NRXN1: variants seen among roughly 807,000 people sequenced by gnomAD.
The protein encoded by NRXN1 is neurexin-1.
A neutral mutation model predicts 150.9 loss-of-function variants in NRXN1; 39 were observed. The observed-to-expected ratio is 0.26, with a 90% confidence interval of 0.20 to 0.34. NRXN1 has a LOEUF of 0.34. Among genes scored for constraint, NRXN1 ranks in the 10% least tolerant of loss-of-function variants. The pLI, the probability that NRXN1 is intolerant of heterozygous loss-of-function variation, is 1.00. For missense variants in NRXN1, 1,815 were observed against 1,949.9 expected (o/e 0.93, Z 1.30); for synonymous variants, 924 against 757.0 (o/e 1.22, Z -3.62).
At chr2:50,922,014 T>A (rs1444336367) in intron 4 of NRXN1, 134 bp from the exon 5 acceptor site, 8 of 462,696 alleles carry the variant, frequency 1.7e-5, no homozygotes, top group Non-Finnish European at 3.1e-5. Context: ...GACATGAAAG[T>A]ATAAACAAGG....
chr2:50,181,200 T>C (rs947046865), intron 18 of NRXN1, among the ~76,000 whole-genome samples: 1 of 151,912 alleles, frequency 6.6e-6, no homozygotes, highest in Non-Finnish European at 1.5e-5. Context: ...GAAAGAGAAG[T>C]CTTAACTATC....
chr2:50,814,262 G>T (rs1294928602), intron 5 of NRXN1, among the ~76,000 whole-genome samples: 1 of 151,990 alleles, frequency 6.6e-6, no homozygotes, highest in African/African-American at 2.4e-5. Flanking sequence ...CTCCCAAAGT[G>T]CTGGGATTAC....
intron 5 of NRXN1, among the ~76,000 whole-genome samples, chr2:50,890,318 T>G (rs1426520515): frequency 6.6e-6 from 1 of 151,832 alleles, no homozygotes; most frequent in Non-Finnish European, 1.5e-5. Flanking sequence ...TCACAAAACT[T>G]AGAGAAGACA....
chr2:50,278,731 A>G (rs2152930335), intron 17 of NRXN1, among the ~76,000 whole-genome samples: 1 of 152,284 alleles, frequency 6.6e-6, no homozygotes, highest in South Asian at 2.1e-4. Flanking sequence ...AAAACGGTCC[A>G]GGATAGGCTG....
chr2:50,735,039 T>A (rs1278146824), intron 5 of NRXN1, among the ~76,000 whole-genome samples: 3 of 152,132 alleles, frequency 2.0e-5, no homozygotes, highest in African/African-American at 4.8e-5. Context: ...CCTTTAACTA[T>A]CTCCACTTGG....
In NRXN1 at chr2:50,947,584, C is replaced by T. The variant is rs1485698586; in HGVS notation, c.773-21629G>A. Among the ~76,000 whole-genome samples the T allele has an allele frequency of 3.3e-5, 5 of 151,836 alleles. No homozygotes were observed. In the East Asian group the frequency reaches 5.8e-4, roughly 18 times the overall value. On this transcript the variant is annotated intron_variant, in intron 2 of 22. Coordinates refer to ENST00000401669, the MANE Select transcript of NRXN1 (RefSeq NM_001330078.2). ...ATACACAGACACTAGATACATAAAA[C>T]TTAATTATAGAGCTTAGATTATATT...
At chr2:50,237,264 A>G (rs1033323488) in intron 17 of NRXN1, among the ~76,000 whole-genome samples, 1 of 152,034 alleles carries the variant, frequency 6.6e-6, no homozygotes, top group African/African-American at 2.4e-5. Flanking sequence ...GTAATGAGGC[A>G]TTATCTCTTC....
intron 19 of NRXN1, among the ~76,000 whole-genome samples, chr2:50,085,696 T>TAA (rs67792512): frequency 6.6e-6 from 1 of 151,460 alleles, no homozygotes. Flanking sequence ...AATTATAAAT[T>TAA]CTATGGTTAT....
chr2:50,083,892 T>G (rs1463819556), intron 19 of NRXN1, among the ~76,000 whole-genome samples: 2 of 151,978 alleles, frequency 1.3e-5, no homozygotes, highest in Non-Finnish European at 2.9e-5. Context: ...TAGGTAGACA[T>G]AAAGGTTCTC....
chr2:49,961,395 G>A (rs916971155), intron 21 of NRXN1, among the ~76,000 whole-genome samples: 1 of 151,418 alleles, frequency 6.6e-6, no homozygotes, highest in Non-Finnish European at 1.5e-5. Flanking sequence ...TTTTGTTGAC[G>A]TACTTCAAAA....
At chr2:50,263,157 TACACACACAC>T (rs58442373) in intron 17 of NRXN1, among the ~76,000 whole-genome samples, 2,736 of 147,290 alleles carry the variant, frequency 0.019, 42 homozygotes, top group Middle Eastern at 0.024. Context: ...AAAACACACA[TACACACACAC>T]ACACACACAC....
intron 10 of NRXN1, among the ~76,000 whole-genome samples, chr2:50,533,784 T>C (rs2093180518): frequency 6.6e-6 from 1 of 152,182 alleles, no homozygotes. Context: ...GTTTGCACTT[T>C]TAGATCCCTC....
At chr2:50,666,506 A>G (rs1466588507) in intron 5 of NRXN1, among the ~76,000 whole-genome samples, 1 of 151,964 alleles carries the variant, frequency 6.6e-6, no homozygotes, top group Non-Finnish European at 1.5e-5. Flanking sequence ...TATTTTCCAA[A>G]TAATTATTTT....
At chr2:50,146,714 C>T (rs1000988858) in intron 18 of NRXN1, among the ~76,000 whole-genome samples, 3 of 151,480 alleles carry the variant, frequency 2.0e-5, no homozygotes, top group Non-Finnish European at 4.4e-5. Context: ...TTATGTTAGG[C>T]TAAACATCAA....
chr2:50,430,334 G>GAA (rs80098808), intron 17 of NRXN1, among the ~76,000 whole-genome samples: 1 of 151,806 alleles, frequency 6.6e-6, no homozygotes, highest in East Asian at 1.9e-4. Context: ...TGGGCAGGTA[G>GAA]AAAAAAACAG....
At chr2:50,548,324 T>C (rs2093539066) in intron 9 of NRXN1, 1 of 152,200 alleles carries the variant, frequency 6.6e-6, no homozygotes, top group South Asian at 2.1e-4. Context: ...CTAACAATTA[T>C]TTAACTTTCT....
chr2:50,296,157 G>A (rs1179247161), intron 17 of NRXN1, among the ~76,000 whole-genome samples: 1 of 152,142 alleles, frequency 6.6e-6, no homozygotes, highest in Non-Finnish European at 1.5e-5. Context: ...TACTTGATAA[G>A]TAATCATTTT....
At chr2:50,532,337 G>C (rs546637675) in intron 10 of NRXN1, among the ~76,000 whole-genome samples, 1 of 150,092 alleles carries the variant, frequency 6.7e-6, no homozygotes, top group Non-Finnish European at 1.5e-5. Context: ...TCTCTGCCCT[G>C]ATAGAATTAT....
intron 2 of NRXN1, among the ~76,000 whole-genome samples, chr2:50,973,905 G>A (rs1181210447): frequency 6.6e-6 from 1 of 151,880 alleles, no homozygotes; most frequent in African/African-American, 2.4e-5. Context: ...ATTATTAATT[G>A]AGCCCTGCAT....
Sources: allele counts gnomAD v4.1 joint callset (sites outside exome capture counted in the v4.1 genomes callset), GRCh38; gene constraint gnomAD v4.1.1; transcripts MANE v1.5; gene names NCBI Gene and HGNC (gene_info 2026-07-23, HGNC 2026-07-21).